The following PCED1B variants were observed in gnomAD, a reference collection of about 807,000 sequenced individuals.
PCED1B encodes PC-esterase domain containing 1B.
For synonymous variants in PCED1B, 251 were observed against 246.1 expected (o/e 1.02, Z -0.19); for missense variants, 573 against 573.9 (o/e 1.00, Z 0.02).
intron 2 of PCED1B, among the ~76,000 whole-genome samples, chr12:47,113,345 G>A (rs1046249980): frequency 2.6e-5 from 4 of 152,142 alleles, no homozygotes; most frequent in Non-Finnish European, 5.9e-5. Flanking sequence ...TATGTATCAG[G>A]CACGGTGTTA....
At position 47,180,461 on chromosome 12, in the gene PCED1B, A is replaced by G. The variant is rs531460931; in HGVS notation, c.-525-35761A>G. 2.0e-5 allele frequency among the ~76,000 whole-genome samples: 3 copies of G among 152,360 alleles called. No homozygotes were observed. The South Asian group carries it at 6.2e-4, about 32-fold the overall frequency. On this transcript the variant is annotated intron_variant, in intron 2 of 3. Coordinates refer to ENST00000546455, the MANE Select transcript of PCED1B (RefSeq NM_138371.3). ...TAGACTCCTTCCTTACACCTTATAC[A>G]AAAATTAACTCAAGATGGATTAAAG...
At chr12:47,160,533 T>C (rs1193443358) in intron 2 of PCED1B, among the ~76,000 whole-genome samples, 1 of 152,010 alleles carries the variant, frequency 6.6e-6, no homozygotes, top group African/African-American at 2.4e-5. Flanking sequence ...TTTGAACTCC[T>C]GGGCTCAAGC....
At chr12:47,220,064 G>A (rs1467778828) in intron 3 of PCED1B, among the ~76,000 whole-genome samples, 2 of 82,026 alleles carry the variant, frequency 2.4e-5, no homozygotes, top group Non-Finnish European at 5.1e-5. Flanking sequence ...GGGAGACACT[G>A]CCTCAAAAAA....
intron 2 of PCED1B, among the ~76,000 whole-genome samples, chr12:47,152,253 G>A (rs569027178): frequency 6.6e-6 from 1 of 152,252 alleles, no homozygotes; most frequent in East Asian, 1.9e-4. Flanking sequence ...ATAAATTCCA[G>A]GTGGAGAAAC....
intron 1 of PCED1B, among the ~76,000 whole-genome samples, chr12:47,099,545 T>A (rs967842582): frequency 7.2e-5 from 11 of 152,168 alleles, no homozygotes; most frequent in African/African-American, 2.4e-5. Context: ...ATATTCCTTC[T>A]CCCTCTCTCA....
At chr12:47,112,128 C>T (rs1939225334) in intron 2 of PCED1B, among the ~76,000 whole-genome samples, 1 of 152,170 alleles carries the variant, frequency 6.6e-6, no homozygotes, top group African/African-American at 2.4e-5. Context: ...ATAGGAGAAT[C>T]AATCAGGCTT....
At chr12:47,225,142 C>T (rs944414442) in intron 3 of PCED1B, among the ~76,000 whole-genome samples, 2 of 152,176 alleles carry the variant, frequency 1.3e-5, no homozygotes, top group African/African-American at 4.8e-5. Flanking sequence ...ATGTTGGCCA[C>T]GTTGGTCTCG....
chr12:47,187,762 TTCA>T (rs1177285253), intron 2 of PCED1B: 1 of 154,170 alleles, frequency 6.5e-6, no homozygotes. Flanking sequence ...GAACTATAGC[TTCA>T]TCATAAGGCA....
At chr12:47,137,173 A>C (rs933742503) in intron 2 of PCED1B, among the ~76,000 whole-genome samples, 1 of 152,194 alleles carries the variant, frequency 6.6e-6, no homozygotes, top group Non-Finnish European at 1.5e-5. Flanking sequence ...CTGATTACAA[A>C]ATCTATTTTG....
intron 2 of PCED1B, among the ~76,000 whole-genome samples, chr12:47,199,640 G>A (rs1483198349): frequency 1.3e-5 from 2 of 152,170 alleles, no homozygotes; most frequent in South Asian, 2.1e-4. Context: ...TCAACAAATG[G>A]TTCTAGAACA....
intron 3 of PCED1B, among the ~76,000 whole-genome samples, chr12:47,222,674 T>C (rs1387911224): frequency 6.6e-6 from 1 of 152,170 alleles, no homozygotes; most frequent in African/African-American, 2.4e-5. Context: ...TTAGGAAAAC[T>C]GCAGTAATAT....
At chr12:47,183,888 C>T (rs1942172401) in intron 2 of PCED1B, among the ~76,000 whole-genome samples, 2 of 152,148 alleles carry the variant, frequency 1.3e-5, no homozygotes, top group African/African-American at 4.8e-5. Flanking sequence ...AAGACAAGGG[C>T]CCCCGCACCA....
At position 47,108,359 on chromosome 12, in the gene PCED1B, A is replaced by G. The variant is rs553062276; in HGVS notation, c.-526+4164A>G. Among the ~76,000 whole-genome samples, 5 of 152,292 alleles carry G rather than the reference A, an allele frequency of 3.3e-5. No individual in the cohort carries two copies. The East Asian group carries it at 9.6e-4, about 29-fold the overall frequency. ...TACTGGCTCAGCTATCTAAATGGCAATGACAGTTGATGACAGCTGTTTCCC... is the reference window on the plus strand; with the variant it reads ...TACTGGCTCAGCTATCTAAATGGCAGTGACAGTTGATGACAGCTGTTTCCC... On this transcript the variant is annotated intron_variant, in intron 2 of 3. Coordinates refer to ENST00000546455, the MANE Select transcript of PCED1B (RefSeq NM_138371.3).
chr12:47,231,178 T>G (rs1007348757), intron 3 of PCED1B, among the ~76,000 whole-genome samples: 2 of 152,184 alleles, frequency 1.3e-5, no homozygotes, highest in African/African-American at 4.8e-5. Context: ...GGAACCAAAT[T>G]AATGCAAGAC....
At chr12:47,126,630 G>A (rs905977689) in intron 2 of PCED1B, among the ~76,000 whole-genome samples, 7 of 152,008 alleles carry the variant, frequency 4.6e-5, no homozygotes, top group African/African-American at 1.7e-4. Context: ...TCTGAGCCTG[G>A]AATTTTCTTT....
At chr12:47,221,338 CTTTTTT>C (rs63059763) in intron 3 of PCED1B, among the ~76,000 whole-genome samples, 2 of 108,926 alleles carry the variant, frequency 1.8e-5, no homozygotes. Context: ...CATCAAAATT[CTTTTTT>C]TTTTTTTTTT....
At chr12:47,131,140 A>T (rs904532887) in intron 2 of PCED1B, among the ~76,000 whole-genome samples, 3 of 152,194 alleles carry the variant, frequency 2.0e-5, no homozygotes, top group African/African-American at 7.2e-5. Context: ...CACTTGAGGC[A>T]TTCCAATATC....
intron 3 of PCED1B, among the ~76,000 whole-genome samples, chr12:47,221,171 A>T (rs1943465478): frequency 1.3e-5 from 2 of 152,182 alleles, no homozygotes; most frequent in African/African-American, 4.8e-5. Context: ...TTAAGGACTA[A>T]GAAAAATTGG....
chr12:47,142,204 G>T (rs1940621148), intron 2 of PCED1B, among the ~76,000 whole-genome samples: 1 of 152,114 alleles, frequency 6.6e-6, no homozygotes, highest in Non-Finnish European at 1.5e-5. Context: ...TGAGCCTCTG[G>T]TAACAGGCCC....
Sources: allele counts gnomAD v4.1 joint callset (sites outside exome capture counted in the v4.1 genomes callset), GRCh38; gene constraint gnomAD v4.1.1; transcripts MANE v1.5; gene names NCBI Gene and HGNC (gene_info 2026-07-23, HGNC 2026-07-21).